UTP20: variants seen among roughly 807,000 people sequenced by gnomAD.
UTP20 encodes the protein UTP20 small subunit processome component.
A neutral mutation model predicts 329.5 loss-of-function variants in UTP20; 164 were observed. That is an observed-to-expected ratio of 0.50 (90% confidence interval 0.44 to 0.57). The LOEUF is 0.57. UTP20 is among the 20% of genes least tolerant of loss of function. The pLI, the probability that UTP20 is intolerant of heterozygous loss-of-function variation, is 0.00. For missense variants in UTP20, 3,055 were observed against 3,284.2 expected, an observed-to-expected ratio of 0.93 and a Z score of 1.71; for synonymous variants, 1,151 against 1,159.3, an observed-to-expected ratio of 0.99 and a Z score of 0.14.
At chr12:101,347,482 T>C (rs7305818) in intron 38 of UTP20, among the ~76,000 whole-genome samples, 29,978 of 151,786 alleles carry the variant, frequency 0.2, 6,422 homozygotes, top group East Asian at 0.54. Context: ...GAGATTACGC[T>C]ACTGCACTCC....
intron 54 of UTP20, 105 bp downstream of exon 54, chr12:101,373,872 A>T: frequency 7.8e-7 from 1 of 1,278,684 alleles, no homozygotes; most frequent in Non-Finnish European, 1.1e-6. Context: ...TTTTTTCCCA[A>T]ATAGTGTTAT....
chr12:101,374,396 A>G (rs1870405363), intron 54 of UTP20, among the ~76,000 whole-genome samples: 1 of 152,050 alleles, frequency 6.6e-6, no homozygotes, highest in Non-Finnish European at 1.5e-5. Context: ...GATTACTGAA[A>G]TGTAATTTTT....
chr12:101,344,672 C>A lies in UTP20; in HGVS notation c.4527C>A (p.Val1509=). The A allele has an allele frequency of 6.2e-7, 1 of 1,602,436 alleles. No individual in the cohort carries two copies. Among genetic ancestry groups the A allele is most frequent in the Non-Finnish European group, 8.6e-7 (1 of 1,169,382 alleles). Residue 1509 remains valine (V), a synonymous_variant, in exon 36 of 62, where the codon GTC becomes GTA. Transcript: ENST00000261637. ...TCAAAAAGCTAGCTGCCTTGAATGT[C>A]ACAGAGAAAGACTATAGAGAAATCA... ...SIIKKLAALN[V]TEKDYREIIH...
chr12:101,351,814 A>G (rs781742074), intron 38 of UTP20, among the ~76,000 whole-genome samples: 1 of 152,124 alleles, frequency 6.6e-6, no homozygotes, highest in South Asian at 2.1e-4. Flanking sequence ...TCTTGAACCT[A>G]TCAGGGAGGT....
At chr12:101,376,226 A>G (rs1175825308) in intron 56 of UTP20, among the ~76,000 whole-genome samples, 1 of 152,186 alleles carries the variant, frequency 6.6e-6, no homozygotes, top group African/African-American at 2.4e-5. Flanking sequence ...AAGTAAGCAT[A>G]TTACTATCTA....
At chr12:101,314,718 GT>G (rs1872911797) in intron 21 of UTP20, among the ~76,000 whole-genome samples, 1 of 151,934 alleles carries the variant, frequency 6.6e-6, no homozygotes, top group African/African-American at 2.4e-5. Flanking sequence ...AGTTTGGACA[GT>G]TTTTGTAGTA....
chr12:101,296,921 G>C (rs1477227044), intron 12 of UTP20, among the ~76,000 whole-genome samples: 1 of 152,160 alleles, frequency 6.6e-6, no homozygotes, highest in Non-Finnish European at 1.5e-5. Flanking sequence ...TTCTCAAATA[G>C]TTAAGTGGGT....
intron 47 of UTP20, 121 bp downstream of exon 47, chr12:101,366,820 G>A: frequency 7.7e-7 from 1 of 1,301,508 alleles, no homozygotes; most frequent in Non-Finnish European, 1.0e-6. Flanking sequence ...ATACATTTTA[G>A]ATTTTTTTTT....
At chr12:101,286,870 G>C (rs1212907134) in intron 5 of UTP20, among the ~76,000 whole-genome samples, 1 of 151,872 alleles carries the variant, frequency 6.6e-6, no homozygotes, top group Non-Finnish European at 1.5e-5. Flanking sequence ...ATGTATTGCT[G>C]TCCTCTCTAC....
intron 43 of UTP20, 57 bp downstream of exon 43, chr12:101,357,139 C>T: frequency 6.7e-7 from 1 of 1,499,046 alleles, no homozygotes; most frequent in Non-Finnish European, 9.0e-7. Flanking sequence ...ATATTTGCAG[C>T]TTGAACACTG....
intron 12 of UTP20, among the ~76,000 whole-genome samples, chr12:101,299,228 A>G (rs966727795): frequency 2.6e-5 from 4 of 152,232 alleles, no homozygotes; most frequent in Non-Finnish European, 5.9e-5. Context: ...TCAAAGCAGC[A>G]GGAGAAAATT....
chr12:101,367,848 G>A lies in UTP20; in HGVS notation c.6268-12G>A. Reference sequence around the variant, plus strand: ...GGCAACTAATGTGAAATACCTGTTTGAACTCTCTTAGCTGCTGCATCTGAG... The same window carrying A: ...GGCAACTAATGTGAAATACCTGTTTAAACTCTCTTAGCTGCTGCATCTGAG... On this transcript the variant is annotated splice_polypyrimidine_tract_variant and intron_variant, in intron 47 of 61. Coordinates refer to ENST00000261637, the MANE Select transcript of UTP20 (RefSeq NM_014503.3). 1 of 1,588,450 alleles carries A rather than the reference G, an allele frequency of 6.3e-7. No homozygotes were observed. Among genetic ancestry groups the A allele is most frequent in the Non-Finnish European group, 8.6e-7 (1 of 1,157,250 alleles).
Position 101,280,157 on chromosome 12 carries a change from A to G in UTP20, c.-126A>G. 1 of 1,260,450 alleles carries G rather than the reference A, an allele frequency of 7.9e-7. No homozygotes were observed. Among genetic ancestry groups the G allele is most frequent in the Non-Finnish European group, 1.1e-6 (1 of 911,634 alleles). 78.1% of individuals were successfully genotyped at this position (1,260,450 alleles called of 1,614,324 possible). On this transcript the variant is annotated 5_prime_UTR_variant, in exon 1 of 62. Coordinates refer to ENST00000261637, the MANE Select transcript of UTP20 (RefSeq NM_014503.3). ...GGCGGCGCCCAGGGGCTCAAGCCGC[A>G]CGTGAGAAAGTCTGGGCATCTGGGA...
chr12:101,299,221 A>G (rs1872450605), intron 12 of UTP20, among the ~76,000 whole-genome samples: 3 of 152,344 alleles, frequency 2.0e-5, no homozygotes, highest in Admixed American at 2.0e-4. Context: ...TATCTGATCA[A>G]AGCAGCAGGA....
chr12:101,282,512 G>A (rs928556299), intron 2 of UTP20, among the ~76,000 whole-genome samples: 1 of 152,146 alleles, frequency 6.6e-6, no homozygotes, highest in African/African-American at 2.4e-5. Context: ...GGGGCAACTG[G>A]TGAGATAAAG....
At chr12:101,382,106 G>T (rs1458701077) in intron 58 of UTP20, among the ~76,000 whole-genome samples, 1 of 151,270 alleles carries the variant, frequency 6.6e-6, no homozygotes. Context: ...GAAAGCTGTT[G>T]TTAAAAATGT....
At chr12:101,380,120 G>A (rs181984512) in intron 57 of UTP20, among the ~76,000 whole-genome samples, 58 of 152,336 alleles carry the variant, frequency 3.8e-4, no homozygotes, top group Non-Finnish European at 1.8e-4. Flanking sequence ...ATTCACATCT[G>A]TCATCCCAGC....
Position 101,369,744 on chromosome 12 carries a change from C to T in UTP20, c.6408C>T (p.Cys2136=). 1 of 1,587,584 alleles carries T rather than the reference C, an allele frequency of 6.3e-7. No homozygotes were observed. The highest frequency in any genetic ancestry group is 8.6e-7 in the Non-Finnish European group (1 of 1,156,098). Reference sequence around the variant, plus strand: ...AGGTGATCACAGGTGCTTTACAGTGCCTCATCTGGGTCTTGAGGTTCCCGC... The same window carrying T: ...AGGTGATCACAGGTGCTTTACAGTGTCTCATCTGGGTCTTGAGGTTCCCGC... ...DVKVITGALQ[C]LIWVLRFPLP... Residue 2136 remains cysteine (C), a synonymous_variant, in exon 49 of 62, where the codon TGC becomes TGT. Coordinates refer to ENST00000261637, the MANE Select transcript of UTP20 (RefSeq NM_014503.3).
chr12:101,311,810 G>C lies in UTP20; in HGVS notation c.2311+12G>C, dbSNP rs1183081988. The C allele has an allele frequency of 6.3e-7, 1 of 1,598,342 alleles. No homozygotes were observed. The highest frequency in any genetic ancestry group is 8.5e-7 in the Non-Finnish European group (1 of 1,175,266). On this transcript the variant is annotated intron_variant, in intron 20 of 61. Coordinates refer to ENST00000261637, the MANE Select transcript of UTP20 (RefSeq NM_014503.3). ...AGCTACGCATGCTGGTATGTAAAGG[G>C]GTTGTGAGGAAGCTGCGAAGAAAAG...
Sources: allele counts gnomAD v4.1 joint callset (sites outside exome capture counted in the v4.1 genomes callset), GRCh38; gene constraint gnomAD v4.1.1; transcripts MANE v1.5; gene names NCBI Gene and HGNC (gene_info 2026-07-23, HGNC 2026-07-21).